LRRC37A2: variants seen among roughly 807,000 people sequenced by gnomAD.
The protein encoded by LRRC37A2 is leucine rich repeat containing 37 member A2, also known as leucine-rich repeat-containing protein 37A2.
Under a neutral mutation model 68.8 loss-of-function variants are expected in LRRC37A2, and 9 were observed. That is an observed-to-expected ratio of 0.13 (90% CI 0.08 to 0.23). The LOEUF (loss-of-function observed/expected upper bound fraction) is 0.23, where lower values mean the gene tolerates loss of function less well. Ranked by LOEUF, LRRC37A2 falls within the 10% of genes least tolerant of loss-of-function variation. The pLI is 1.00. For synonymous variants in LRRC37A2, 63 were observed against 367.6 expected (o/e 0.17, Z 9.48); for missense variants, 168 against 950.4 (o/e 0.18, Z 10.82).
the LRRC37A2 span, among the ~76,000 whole-genome samples, chr17:46,783,477 G>A: frequency 6.6e-6 from 1 of 152,352 alleles, no homozygotes; most frequent in Admixed American, 6.5e-5. Flanking sequence ...AGCCACACCT[G>A]AGGAGCACCC....
the LRRC37A2 span, chr17:46,923,124 G>A: frequency 3.6e-6 from 4 of 1,120,830 alleles, no homozygotes; most frequent in Admixed American, 4.0e-5. Context: ...GCCGGAAACC[G>A]GAAGGGGGGC....
the LRRC37A2 span, among the ~76,000 whole-genome samples, chr17:47,001,844 C>T: frequency 6.6e-6 from 1 of 151,534 alleles, no homozygotes; most frequent in Admixed American, 6.6e-5. Context: ...GCCTCAGCCT[C>T]CCGAGTAGCT....
the LRRC37A2 span, among the ~76,000 whole-genome samples, chr17:46,680,581 T>C: frequency 7.5e-6 from 1 of 133,780 alleles, no homozygotes; most frequent in South Asian, 2.6e-4. Flanking sequence ...ATACAGAAAG[T>C]AAATCCATTG....
At chr17:46,532,721 T>C (rs1294614211) in intron 6 of LRRC37A2, among the ~76,000 whole-genome samples, 2 of 146,156 alleles carry the variant, frequency 1.4e-5, no homozygotes, top group Non-Finnish European at 3.0e-5. Context: ...TTTATATGTA[T>C]AATCCTTTTT....
the LRRC37A2 span, among the ~76,000 whole-genome samples, chr17:46,790,163 C>A: frequency 1.3e-5 from 2 of 152,200 alleles, no homozygotes; most frequent in Non-Finnish European, 2.9e-5. Context: ...TCAGTCCCTG[C>A]CACCCATTCC....
intron 8 of LRRC37A2, among the ~76,000 whole-genome samples, chr17:46,543,182 A>G (rs1404277766): frequency 4.0e-5 from 6 of 150,634 alleles, no homozygotes; most frequent in Non-Finnish European, 8.8e-5. Flanking sequence ...ACATTGAACT[A>G]AATGTCTTAT....
At chr17:46,956,592 G>A in the LRRC37A2 span, among the ~76,000 whole-genome samples, 2 of 152,132 alleles carry the variant, frequency 1.3e-5, no homozygotes, top group Non-Finnish European at 2.9e-5. Flanking sequence ...GTGAGCCACC[G>A]CACCCAGCCC....
chr17:46,800,996 A>G, the LRRC37A2 span, among the ~76,000 whole-genome samples: 1 of 152,234 alleles, frequency 6.6e-6, no homozygotes, highest in South Asian at 2.1e-4. Context: ...AGACTGTAAC[A>G]TGAAATTAAT....
At chr17:46,857,558 A>G in the LRRC37A2 span, among the ~76,000 whole-genome samples, 1 of 151,710 alleles carries the variant, frequency 6.6e-6, no homozygotes, top group Non-Finnish European at 1.5e-5. Flanking sequence ...ACATCCATGT[A>G]CATCTCTTTT....
the LRRC37A2 span, among the ~76,000 whole-genome samples, chr17:46,896,452 A>AAGAAAGAAAGAAGGAAAAAG: frequency 1.5e-5 from 1 of 65,880 alleles, no homozygotes; most frequent in East Asian, 5.2e-4. Flanking sequence ...GAAAGAAAGA[A>AAGAAAGAAAGAAGGAAAAAG]AAAGAAAGAA....
At chr17:46,887,619 C>T in the LRRC37A2 span, among the ~76,000 whole-genome samples, 2 of 152,012 alleles carry the variant, frequency 1.3e-5, no homozygotes, top group African/African-American at 4.8e-5. Flanking sequence ...AAGAAATTAG[C>T]CGGGCATGGT....
chr17:46,949,656 C>T, the LRRC37A2 span, among the ~76,000 whole-genome samples: 85 of 152,310 alleles, frequency 5.6e-4, no homozygotes, highest in African/African-American at 2.0e-3. Context: ...CACAAACCGT[C>T]ACACAGGTAC....
At chr17:46,981,666 A>C in the LRRC37A2 span, among the ~76,000 whole-genome samples, 1 of 152,118 alleles carries the variant, frequency 6.6e-6, no homozygotes, top group East Asian at 1.9e-4. Context: ...AACATTAAGC[A>C]TGTGTGTATA....
At chr17:46,714,755 G>A in the LRRC37A2 span, among the ~76,000 whole-genome samples, 1 of 152,152 alleles carries the variant, frequency 6.6e-6, no homozygotes, top group African/African-American at 2.4e-5. Flanking sequence ...ATTATTTTTT[G>A]TATCCAGCTG....
chr17:46,993,719 G>A, the LRRC37A2 span, among the ~76,000 whole-genome samples: 3 of 152,360 alleles, frequency 2.0e-5, 1 homozygote, highest in South Asian at 6.2e-4. Flanking sequence ...CGTAGAGAAA[G>A]TGAGGGCTTC....
chr17:46,801,786 T>C, the LRRC37A2 span, among the ~76,000 whole-genome samples: 3 of 152,134 alleles, frequency 2.0e-5, no homozygotes, highest in African/African-American at 4.8e-5. Context: ...GGGAGGGCAG[T>C]GCCACTGTGG....
At chr17:46,807,291 T>C in the LRRC37A2 span, among the ~76,000 whole-genome samples, 2 of 152,228 alleles carry the variant, frequency 1.3e-5, no homozygotes, top group Non-Finnish European at 2.9e-5. Flanking sequence ...GATACCAGCC[T>C]GACCAACATG....
chr17:46,951,629 G>A, the LRRC37A2 span, among the ~76,000 whole-genome samples: 18 of 152,254 alleles, frequency 1.2e-4, no homozygotes, highest in Admixed American at 9.1e-4. Context: ...CATTCTTCCG[G>A]AACTTAGCAT....
At chr17:47,038,133 A>C in the LRRC37A2 span, among the ~76,000 whole-genome samples, 2 of 152,068 alleles carry the variant, frequency 1.3e-5, no homozygotes, top group South Asian at 2.1e-4. Flanking sequence ...CTGAGACCTT[A>C]TCTCTACAAA....
Sources: allele counts gnomAD v4.1 joint callset (sites outside exome capture counted in the v4.1 genomes callset), GRCh38; gene constraint gnomAD v4.1.1; transcripts MANE v1.5; gene names NCBI Gene and HGNC (gene_info 2026-07-23, HGNC 2026-07-21).